The following PPP1CB variants were observed in gnomAD, a reference collection of about 807,000 sequenced individuals.
PPP1CB encodes the protein protein phosphatase 1 catalytic subunit beta.
PPP1CB carries 2 observed loss-of-function variants against 43.7 expected under a neutral mutation model. The ratio of observed to expected loss-of-function variants is 0.05; its 90% CI spans 0.02 to 0.14. The LOEUF (loss-of-function observed/expected upper bound fraction) is 0.14, where lower values mean the gene tolerates loss of function less well. Among genes scored for constraint, PPP1CB ranks in the 10% least tolerant of loss-of-function variants. The probability of loss-of-function intolerance (pLI) is 1.00; values close to 1 mark genes in which losing one functional copy is unlikely to be tolerated. For missense variants in PPP1CB, 84 were observed against 398.0 expected (o/e 0.21, Z 6.71); for synonymous variants, 136 against 135.6 (o/e 1.00, Z -0.02).
intron 1 of PPP1CB, among the ~76,000 whole-genome samples, chr2:28,765,674 T>A (rs528674296): frequency 3.3e-4 from 50 of 152,326 alleles, no homozygotes; most frequent in African/African-American, 1.2e-3. Flanking sequence ...CCCAGCACTT[T>A]GGGAGGCGGA....
chr2:28,783,780 G>T (rs528181103), intron 4 of PPP1CB, 127 bp from the exon 5 acceptor site: 107 of 633,912 alleles, frequency 1.7e-4, no homozygotes, highest in Middle Eastern at 1.3e-3. Context: ...GACGTTAAAA[G>T]GAACACTTTT....
intron 1 of PPP1CB, among the ~76,000 whole-genome samples, chr2:28,769,858 T>C (rs541103960): frequency 6.6e-6 from 1 of 152,190 alleles, no homozygotes; most frequent in South Asian, 2.1e-4. Flanking sequence ...AATAACTGAT[T>C]ACTCCAAAGA....
intron 7 of PPP1CB, among the ~76,000 whole-genome samples, chr2:28,794,607 C>T (rs571918899): frequency 1.3e-5 from 2 of 152,028 alleles, no homozygotes; most frequent in East Asian, 1.9e-4. Flanking sequence ...AGGAGAATGT[C>T]GTGAACCCGG....
chr2:28,782,978 A>C (rs986983846), intron 4 of PPP1CB: 1 of 152,222 alleles, frequency 6.6e-6, no homozygotes, highest in African/African-American at 2.4e-5. Flanking sequence ...AGTGTAGCTA[A>C]GGATAGAAGT....
intron 1 of PPP1CB, among the ~76,000 whole-genome samples, chr2:28,761,169 G>C (rs930153318): frequency 1.3e-5 from 2 of 152,096 alleles, no homozygotes; most frequent in African/African-American, 4.8e-5. Flanking sequence ...GGATTACTGG[G>C]GTGAGCCACC....
chr2:28,753,018 TTGG>T (rs923862301), intron 1 of PPP1CB, among the ~76,000 whole-genome samples: 47 of 152,218 alleles, frequency 3.1e-4, no homozygotes, highest in Non-Finnish European at 5.3e-4. Context: ...TAGTTTTATG[TTGG>T]TGGGAAGGCA....
At position 28,778,406 on chromosome 2, in the gene PPP1CB, A is replaced by G. The variant is rs762752740; in HGVS notation, c.185-403A>G. The G allele has an allele frequency of 3.3e-4, 156 of 472,466 alleles. 1 individual carries two copies. Among genetic ancestry groups the G allele is most frequent in the Non-Finnish European group, 7.9e-5 (18 of 228,278 alleles). 29.3% of individuals were successfully genotyped at this position (472,466 alleles called of 1,614,324 possible). A position where few individuals can be genotyped will look rare whatever the true frequency, so the allele number is the denominator to read the frequency against. On this transcript the variant is annotated intron_variant, in intron 2 of 7. Coordinates refer to ENST00000395366, the MANE Select transcript of PPP1CB (RefSeq NM_002709.3). ...GCTCTGGGTCTCTCACAAGGCTCCAATTAAGGCGTGATCTCGGGCTGCAGT... is the reference window on the plus strand; with the variant it reads ...GCTCTGGGTCTCTCACAAGGCTCCAGTTAAGGCGTGATCTCGGGCTGCAGT...
intron 6 of PPP1CB, among the ~76,000 whole-genome samples, chr2:28,791,658 G>C (rs1028264646): frequency 2.0e-5 from 3 of 152,134 alleles, no homozygotes; most frequent in African/African-American, 7.2e-5. Flanking sequence ...CAGTAAAACT[G>C]TGTTTATGAT....
chr2:28,771,465 T>C (rs1666912192), intron 1 of PPP1CB, among the ~76,000 whole-genome samples: 1 of 152,198 alleles, frequency 6.6e-6, no homozygotes, highest in Non-Finnish European at 1.5e-5. Context: ...GGGATGTTTA[T>C]ATTACTAGAT....
chr2:28,786,566 T>C (rs1366636491), intron 5 of PPP1CB, among the ~76,000 whole-genome samples: 1 of 152,080 alleles, frequency 6.6e-6, no homozygotes, highest in Non-Finnish European at 1.5e-5. Flanking sequence ...ACTGAAATTA[T>C]AGATTCTTGA....
At chr2:28,779,072 C>A in intron 3 of PPP1CB, 33 bp downstream of exon 3, 1 of 1,434,330 alleles carries the variant, frequency 7.0e-7, no homozygotes, top group Non-Finnish European at 9.6e-7. Flanking sequence ...AAAAGTAATT[C>A]ATGGAAACAT....
chr2:28,772,900 C>T (rs1168025024), intron 1 of PPP1CB, among the ~76,000 whole-genome samples: 1 of 152,182 alleles, frequency 6.6e-6, no homozygotes, highest in African/African-American at 2.4e-5. Context: ...TTTCAAATGA[C>T]TGTTAAACAC....
chr2:28,796,053 T>C (rs995865750), intron 7 of PPP1CB, among the ~76,000 whole-genome samples: 5 of 152,222 alleles, frequency 3.3e-5, no homozygotes, highest in African/African-American at 1.2e-4. Flanking sequence ...GGCAGTCTCT[T>C]CTCCATTGCT....
At chr2:28,791,161 C>T (rs981790540) in intron 6 of PPP1CB, among the ~76,000 whole-genome samples, 2 of 152,194 alleles carry the variant, frequency 1.3e-5, no homozygotes, top group Admixed American at 6.5e-5. Context: ...ATGACACTTA[C>T]TACTGCTGCC....
intron 1 of PPP1CB, among the ~76,000 whole-genome samples, chr2:28,774,605 T>C (rs1011640940): frequency 2.0e-5 from 3 of 152,298 alleles, no homozygotes; most frequent in Middle Eastern, 3.4e-3. Flanking sequence ...CTTGTATTTT[T>C]AGTAAAGACA....
At chr2:28,772,886 T>C (rs1666944518) in intron 1 of PPP1CB, among the ~76,000 whole-genome samples, 1 of 152,380 alleles carries the variant, frequency 6.6e-6, no homozygotes, top group Non-Finnish European at 1.5e-5. Context: ...ATACTCAGCC[T>C]GTATTTCAAA....
Position 28,776,897 on chromosome 2 carries a change from A to G in PPP1CB, c.99A>G (p.Glu33=). The G allele has an allele frequency of 6.2e-7, 1 of 1,613,500 alleles. No individual in the cohort carries two copies. The highest frequency in any genetic ancestry group is 8.5e-7 in the Non-Finnish European group (1 of 1,179,540). The change falls in exon 2 of 8, where the codon GAA becomes GAG. Residue 33 remains glutamate, a synonymous_variant. Coordinates refer to ENST00000395366, the MANE Select transcript of PPP1CB (RefSeq NM_002709.3). ...AGATTGTGCAGATGACTGAAGCAGAAGTTCGAGGCTTATGTATCAAGTCTC... is the reference window on the plus strand; with the variant it reads ...AGATTGTGCAGATGACTGAAGCAGAGGTTCGAGGCTTATGTATCAAGTCTC... ...PGKIVQMTEA[E]VRGLCIKSRE... is the part of the protein sequence containing the mutation.
At chr2:28,759,448 A>C (rs1274749951) in intron 1 of PPP1CB, among the ~76,000 whole-genome samples, 6 of 137,298 alleles carry the variant, frequency 4.4e-5, no homozygotes, top group African/African-American at 1.6e-4. Context: ...TGAACCTGGG[A>C]GGTGGAGGTT....
chr2:28,795,847 C>T (rs781230165), intron 7 of PPP1CB, among the ~76,000 whole-genome samples: 1 of 152,082 alleles, frequency 6.6e-6, no homozygotes, highest in Non-Finnish European at 1.5e-5. Flanking sequence ...CTTTTGGGGA[C>T]TTGGTCATAA....
Sources: allele counts gnomAD v4.1 joint callset (sites outside exome capture counted in the v4.1 genomes callset), GRCh38; gene constraint gnomAD v4.1.1; transcripts MANE v1.5; gene names NCBI Gene and HGNC (gene_info 2026-07-23, HGNC 2026-07-21).